Variants in KYAT1 observed in about 807,000 individuals in gnomAD.
The protein encoded by KYAT1 is kynurenine--oxoglutarate transaminase 1.
KYAT1 carries 47 observed loss-of-function variants against 52.4 expected under a neutral mutation model. That is an observed-to-expected ratio of 0.90 (90% CI 0.71 to 1.14). KYAT1 has a LOEUF of 1.14. Among genes scored for constraint, KYAT1 ranks in the 50% most tolerant of loss-of-function variants. KYAT1 has a pLI of 0.00. For missense variants in KYAT1, 480 were observed against 557.9 expected, an observed-to-expected ratio of 0.86 and a Z score of 1.41; for synonymous variants, 212 against 209.6, an observed-to-expected ratio of 1.01 and a Z score of -0.10.
At chr9:128,880,177 A>C (rs1838607966) in intron 1 of KYAT1, among the ~76,000 whole-genome samples, 1 of 152,166 alleles carries the variant, frequency 6.6e-6, no homozygotes, top group Admixed American at 6.5e-5. Context: ...CCCACGGAGT[A>C]CCTGGCAGGC....
At chr9:128,851,362 C>G (rs189708860) in intron 1 of KYAT1, among the ~76,000 whole-genome samples, 1 of 152,086 alleles carries the variant, frequency 6.6e-6, no homozygotes, top group East Asian at 1.9e-4. Context: ...CTTGTGCGCT[C>G]GGAGGAATCC....
chr9:128,865,359 A>ATT lies in KYAT1; in HGVS notation c.-7+16536_-7+16537dup, dbSNP rs776787253. On this transcript the variant is annotated intron_variant, in intron 1 of 12. Coordinates refer to ENST00000302586, the MANE Select transcript of KYAT1 (RefSeq NM_004059.5). ...TATATATATATATATATATATATAT[A>ATT]TTTTTTTTTTTTTTTTTTTTGAGAC... Among the ~76,000 whole-genome samples the ATT allele has an allele frequency of 8.8e-4, 24 of 27,312 alleles. 3 individuals carry two copies. Among genetic ancestry groups the ATT allele is most frequent in the African/African-American group, 7.1e-3 (21 of 2,958 alleles). 17.9% of individuals were successfully genotyped at this position (27,312 alleles called of 152,430 possible).
At chr9:128,868,481 T>G (rs902371801) in intron 1 of KYAT1, among the ~76,000 whole-genome samples, 4 of 152,106 alleles carry the variant, frequency 2.6e-5, no homozygotes, top group Non-Finnish European at 5.9e-5. Context: ...AGCCTCGACA[T>G]CCTGAGCTCA....
At position 128,856,801 on chromosome 9, in the gene KYAT1, A is replaced by G. The variant is rs183934586; in HGVS notation, c.-6-11390T>C. Among the ~76,000 whole-genome samples, 480 of 152,378 alleles carry G rather than the reference A, an allele frequency of 3.2e-3. 9 individuals carry two copies. The highest frequency in any genetic ancestry group is 0.011 in the African/African-American group (444 of 41,598). On this transcript the variant is annotated intron_variant, in intron 1 of 12. Coordinates refer to ENST00000302586, the MANE Select transcript of KYAT1 (RefSeq NM_004059.5). ...TGCCTTGGAAAGCCACGTATTGTCCAAGGTTTCTCCCCATGTGATAATCTG... is the reference window on the plus strand; with the variant it reads ...TGCCTTGGAAAGCCACGTATTGTCCGAGGTTTCTCCCCATGTGATAATCTG...
chr9:128,846,104 G>C (rs973983002), intron 1 of KYAT1, among the ~76,000 whole-genome samples: 1 of 152,184 alleles, frequency 6.6e-6, no homozygotes, highest in Non-Finnish European at 1.5e-5. Flanking sequence ...TTCCTCCCAG[G>C]CCAGCTCCCT....
At chr9:128,847,170 C>G (rs1316291800) in intron 1 of KYAT1, among the ~76,000 whole-genome samples, 1 of 152,152 alleles carries the variant, frequency 6.6e-6, no homozygotes, top group Non-Finnish European at 1.5e-5. Flanking sequence ...TTTATTGAGT[C>G]CCTACCAGGT....
intron 1 of KYAT1, among the ~76,000 whole-genome samples, chr9:128,873,394 A>G (rs1019371490): frequency 1.3e-5 from 2 of 151,934 alleles, no homozygotes; most frequent in African/African-American, 4.8e-5. Flanking sequence ...AGAACTTAGT[A>G]CACTGTAATT....
chr9:128,858,618 A>C (rs1835011686), intron 1 of KYAT1, among the ~76,000 whole-genome samples: 1 of 150,910 alleles, frequency 6.6e-6, no homozygotes, highest in Non-Finnish European at 1.5e-5. Context: ...GAATCACTTG[A>C]ATCCGAGAGT....
In KYAT1 at chr9:128,837,776, T is replaced by C. The variant is rs770002020; in HGVS notation, c.476A>G (p.Asn159Ser). Residue 159 changes from asparagine to serine, a missense_variant, in exon 6 of 13, where the codon AAC (asparagine) becomes AGC (serine). Physicochemically the swap from Asn to Ser is conservative, Grantham distance 46. Transcript: ENST00000302586. ...IQNGELGSSS[N>S]WQLDPMELAG... is the part of the protein sequence containing the mutation. ...CAGCTCCATGGGGTCCAGCTGCCAGTTGCTGCTGGAACCCAGTTCTCCATT... is the reference window on the plus strand; with the variant it reads ...CAGCTCCATGGGGTCCAGCTGCCAGCTGCTGCTGGAACCCAGTTCTCCATT... The C allele has an allele frequency of 6.2e-7, 1 of 1,614,034 alleles. No homozygotes were observed. The highest frequency in any genetic ancestry group is 1.7e-5 in the Admixed American group (1 of 60,004).
intron 1 of KYAT1, among the ~76,000 whole-genome samples, chr9:128,880,969 A>T (rs998273922): frequency 1.3e-5 from 2 of 152,214 alleles, no homozygotes; most frequent in African/African-American, 4.8e-5. Context: ...TCTGTCGGAG[A>T]CAACCGCAAT....
upstream of KYAT1, chr9:128,881,960 C>T (rs1588183604): frequency 6.6e-6 from 1 of 152,308 alleles, no homozygotes; most frequent in African/African-American, 2.4e-5. Context: ...CAGTCCCTGT[C>T]CCTTTAAGGG....
At chr9:128,849,969 C>T (rs1297307653) in intron 1 of KYAT1, among the ~76,000 whole-genome samples, 1 of 146,076 alleles carries the variant, frequency 6.8e-6, no homozygotes, top group Non-Finnish European at 1.5e-5. Flanking sequence ...ACTGCAGCCT[C>T]GACTTCCTGG....
rs57333664 is a variant in KYAT1 at position 128,846,600 on chromosome 9, CAAAAAAAAAAAAAAA to C, written c.-6-1204_-6-1190del. The C allele has an allele frequency of 3.8e-5, 16 of 419,218 alleles. No homozygotes were observed. The African/African-American group carries it at 4.0e-4, about 11-fold the overall frequency. The allele number at this position is 419,218 out of a possible 1,614,324, so 26.0% of individuals were successfully genotyped here. On this transcript the variant is annotated intron_variant, in intron 1 of 12. Coordinates refer to ENST00000302586, the MANE Select transcript of KYAT1 (RefSeq NM_004059.5). Reference sequence around the variant, plus strand: ...CCCGACCCAACGAGCAAGACTCTACCAAAAAAAAAAAAAAAAAAAAAAAAAGAAAGAAAGAAATTG... The same window carrying C: ...CCCGACCCAACGAGCAAGACTCTACCAAAAAAAAAAGAAAGAAAGAAATTG...
Position 128,837,788 on chromosome 9 carries a change from C to A in KYAT1, c.464G>T (p.Gly155Val), listed in dbSNP as rs767222724. 1.9e-6 allele frequency: 3 copies of A among 1,613,932 alleles called. No homozygotes were observed. The highest frequency in any genetic ancestry group is 2.7e-5 in the African/African-American group (2 of 74,878). The part of the protein sequence containing the change: ...KPGPIQNGEL[G>V]SSSNWQLDPM... The stretch of plus-strand genomic sequence containing the variant: ...GTCCAGCTGCCAGTTGCTGCTGGAA[C>A]CCAGTTCTCCATTCTGGATGGGACC... Residue 155 changes from glycine (G) to valine (V), a missense_variant, in exon 6 of 13, where the codon GGT becomes GTT. By Grantham distance (109) the Gly-to-Val change is moderately radical. Transcript: ENST00000302586.
chr9:128,846,623 AAAG>A, intron 1 of KYAT1: 69 of 1,020,040 alleles, frequency 6.8e-5, no homozygotes, highest in East Asian at 1.4e-4. Flanking sequence ...AAAAAAAAAA[AAAG>A]AAAGAAAGAA....
At chr9:128,882,424 C>T (rs1839092407), upstream of KYAT1, 4 of 314,538 alleles carry the variant, frequency 1.3e-5, no homozygotes, top group East Asian at 4.8e-5. Flanking sequence ...CTCCCCAGTG[C>T]CCGGAGTCTC....
At chr9:128,842,541 T>C (rs1832377507) in intron 3 of KYAT1, 113 bp downstream of exon 3, 1 of 1,086,096 alleles carries the variant, frequency 9.2e-7, no homozygotes, top group African/African-American at 1.6e-5. Flanking sequence ...ACTATGGTCA[T>C]ACAGAATCCC....
chr9:128,860,555 A>C (rs1044401885), intron 1 of KYAT1: 1 of 148,090 alleles, frequency 6.8e-6, no homozygotes, highest in African/African-American at 2.5e-5. Flanking sequence ...CTGGTTTTTC[A>C]GTTTGTTCAG....
intron 1 of KYAT1, 119 bp from the exon 2 acceptor site, chr9:128,845,530 G>C (rs1003806958): frequency 2.0e-5 from 18 of 919,720 alleles, no homozygotes; most frequent in Non-Finnish European, 2.9e-5. Flanking sequence ...GCTCCCAGGA[G>C]GGGGAAGAGA....
Sources: gnomAD v4.1 joint callset for allele counts (sites outside exome capture counted in the v4.1 genomes callset) on GRCh38, gnomAD v4.1.1 for gene constraint, MANE v1.5 for transcripts, NCBI Gene and HGNC (gene_info 2026-07-23, HGNC 2026-07-21) for gene names.